Variants in EPB41L4A observed in about 807,000 individuals in gnomAD.
EPB41L4A encodes the protein erythrocyte membrane protein band 4.1 like 4A, also known as band 4.1-like protein 4A.
Under a neutral mutation model 108.6 loss-of-function variants are expected in EPB41L4A, and 100 were observed. The ratio of observed to expected loss-of-function variants is 0.92; its 90% CI spans 0.78 to 1.09. The LOEUF is 1.09. EPB41L4A is among the 50% of genes least tolerant of loss of function. EPB41L4A has a pLI of 0.00. For synonymous variants in EPB41L4A, 319 were observed against 289.0 expected, an observed-to-expected ratio of 1.10 and a Z score of -1.05; for missense variants, 1,030 against 842.7, an observed-to-expected ratio of 1.22 and a Z score of -2.75.
chr5:112,396,258 T>C (rs1043925566), intron 1 of EPB41L4A, among the ~76,000 whole-genome samples: 1 of 151,924 alleles, frequency 6.6e-6, no homozygotes, highest in Non-Finnish European at 1.5e-5. Flanking sequence ...TTAAAAAAAA[T>C]TAAAAAAAAG....
At chr5:112,298,765 C>A (rs1293347039) in intron 2 of EPB41L4A, among the ~76,000 whole-genome samples, 3 of 152,138 alleles carry the variant, frequency 2.0e-5, no homozygotes, top group Non-Finnish European at 4.4e-5. Context: ...CAACTTGAAT[C>A]CATCTGGTCC....
chr5:112,147,405 C>T (rs577693019), intron 12 of EPB41L4A, among the ~76,000 whole-genome samples: 9 of 151,564 alleles, frequency 5.9e-5, no homozygotes, highest in Non-Finnish European at 1.0e-4. Flanking sequence ...TTTGGGAGGC[C>T]GAGGCAGGCG....
At position 112,234,186 on chromosome 5, in the gene EPB41L4A, AAAATAAAATAAAATAAAATAAAATAT is replaced by A. The variant is rs1457297537; in HGVS notation, c.1087+422_1087+447del. Among the ~76,000 whole-genome samples, 8 of 57,026 alleles carry A rather than the reference AAAATAAAATAAAATAAAATAAAATAT, an allele frequency of 1.4e-4. No individual in the cohort carries two copies. In the East Asian group the frequency reaches 1.9e-3, roughly 13 times the overall value. 37.4% of individuals were successfully genotyped at this position (57,026 alleles called of 152,430 possible). A position where few individuals can be genotyped will look rare whatever the true frequency, so the allele number is the denominator to read the frequency against. ...AAAATAATATAAAATAAATAAAATT[AAAATAAAATAAAATAAAATAAAATAT>A]AAATAAAATAAAATAAAATAAAAAT... On this transcript the variant is annotated intron_variant, in intron 12 of 22. Transcript: ENST00000261486.
chr5:112,396,557 A>G lies in EPB41L4A; in HGVS notation c.99+22384T>C, dbSNP rs139185528. ...ACATCAAGCTGAGTGGTTCTGGCCC[A>G]TGGTCTCTTGCGACGTTATGGTCAG... On this transcript the variant is annotated intron_variant, in intron 1 of 22. Transcript: ENST00000261486. 1.7e-4 allele frequency among the ~76,000 whole-genome samples: 26 copies of G among 152,320 alleles called. 1 individual carries two copies. The East Asian group carries it at 4.8e-3, about 28-fold the overall frequency.
intron 2 of EPB41L4A, among the ~76,000 whole-genome samples, chr5:112,306,265 G>C (rs1030907109): frequency 5.3e-5 from 8 of 151,996 alleles, no homozygotes; most frequent in Non-Finnish European, 1.2e-4. Flanking sequence ...TTTATTCATG[G>C]TCTGTACAAG....
chr5:112,337,834 C>A (rs1757020854), intron 1 of EPB41L4A, among the ~76,000 whole-genome samples: 1 of 152,148 alleles, frequency 6.6e-6, no homozygotes. Context: ...GGGCAGGCTT[C>A]TCACAGATGG....
At chr5:112,210,459 TA>T (rs1762682461) in intron 12 of EPB41L4A, among the ~76,000 whole-genome samples, 1 of 151,650 alleles carries the variant, frequency 6.6e-6, no homozygotes, top group Non-Finnish European at 1.5e-5. Context: ...AAAAAAAGAG[TA>T]ATATACATGT....
intron 1 of EPB41L4A, among the ~76,000 whole-genome samples, chr5:112,311,198 G>C (rs1755027174): frequency 6.6e-6 from 1 of 152,026 alleles, no homozygotes. Flanking sequence ...GGAACATTCA[G>C]GCAATCTACC....
intron 1 of EPB41L4A, among the ~76,000 whole-genome samples, chr5:112,405,533 C>A (rs1457663806): frequency 1.3e-5 from 2 of 152,102 alleles, no homozygotes; most frequent in African/African-American, 2.4e-5. Context: ...TTGTGAATAT[C>A]CAATTTATGT....
At chr5:112,378,128 TGAAAATCTA>T (rs1161295468) in intron 1 of EPB41L4A, among the ~76,000 whole-genome samples, 1 of 152,182 alleles carries the variant, frequency 6.6e-6, no homozygotes, top group Non-Finnish European at 1.5e-5. Flanking sequence ...CATAAAAAGA[TGAAAATCTA>T]TCCTAAATTG....
chr5:112,173,143 T>G (rs1449731251), intron 18 of EPB41L4A, among the ~76,000 whole-genome samples: 5 of 152,204 alleles, frequency 3.3e-5, no homozygotes, highest in Non-Finnish European at 4.4e-5. Flanking sequence ...AGATCCATTA[T>G]GTGAGTACTA....
intron 15 of EPB41L4A, among the ~76,000 whole-genome samples, chr5:112,203,717 T>G (rs1762327166): frequency 6.6e-6 from 1 of 152,208 alleles, no homozygotes; most frequent in Admixed American, 6.5e-5. Flanking sequence ...TCTTCTCAGG[T>G]AGAAACACTT....
At chr5:112,167,762 TC>T (rs1429525431) in intron 22 of EPB41L4A, among the ~76,000 whole-genome samples, 2 of 152,156 alleles carry the variant, frequency 1.3e-5, no homozygotes, top group Non-Finnish European at 2.9e-5. Context: ...CCAACAAGCT[TC>T]CTGCATGCAG....
At chr5:112,399,803 T>C (rs2112736814) in intron 1 of EPB41L4A, among the ~76,000 whole-genome samples, 1 of 152,324 alleles carries the variant, frequency 6.6e-6, no homozygotes, top group Non-Finnish European at 1.5e-5. Context: ...TCTTTGCCTC[T>C]GGGCTCAGCC....
At chr5:112,288,942 T>C (rs967186772) in intron 2 of EPB41L4A, among the ~76,000 whole-genome samples, 17 of 152,010 alleles carry the variant, frequency 1.1e-4, no homozygotes, top group African/African-American at 3.6e-4. Context: ...TCAAGTCCCA[T>C]GTCACAATAA....
At chr5:112,380,313 CT>C (rs1760085998) in intron 1 of EPB41L4A, among the ~76,000 whole-genome samples, 1 of 152,142 alleles carries the variant, frequency 6.6e-6, no homozygotes, top group African/African-American at 2.4e-5. Flanking sequence ...TCCTCTCCCC[CT>C]GCTTGTTCAA....
At chr5:112,378,433 A>G (rs1759957939) in intron 1 of EPB41L4A, among the ~76,000 whole-genome samples, 2 of 152,342 alleles carry the variant, frequency 1.3e-5, no homozygotes, top group South Asian at 4.1e-4. Flanking sequence ...ATATAATCTT[A>G]AAAAGCAAAA....
intron 10 of EPB41L4A, 40 bp from the exon 11 acceptor site, chr5:112,239,777 G>A: frequency 1.4e-6 from 2 of 1,437,332 alleles, no homozygotes; most frequent in Non-Finnish European, 1.9e-6. Flanking sequence ...AAGACTCAAT[G>A]TTATAGGCAT....
intron 1 of EPB41L4A, among the ~76,000 whole-genome samples, chr5:112,399,098 C>G (rs1761569273): frequency 6.6e-6 from 1 of 152,050 alleles, no homozygotes; most frequent in African/African-American, 2.4e-5. Context: ...CTAAACCACC[C>G]ACTTTCCACC....
Sources: allele counts gnomAD v4.1 joint callset (sites outside exome capture counted in the v4.1 genomes callset), GRCh38; gene constraint gnomAD v4.1.1; transcripts MANE v1.5; gene names NCBI Gene and HGNC (gene_info 2026-07-23, HGNC 2026-07-21).